The following SYTL5 variants were observed in gnomAD, a reference collection of about 807,000 sequenced individuals.
The protein encoded by SYTL5 is synaptotagmin like 5.
Under a neutral mutation model 55.9 loss-of-function variants are expected in SYTL5, and 34 were observed. The observed-to-expected ratio is 0.61, with a 90% confidence interval of 0.46 to 0.81. SYTL5 has a LOEUF of 0.81. SYTL5 is among the 30% of genes least tolerant of loss of function. The pLI, the probability that SYTL5 is intolerant of heterozygous loss-of-function variation, is 0.00. For missense variants in SYTL5, 637 were observed against 546.7 expected (o/e 1.17, Z -1.65); for synonymous variants, 221 against 188.7 (o/e 1.17, Z -1.40).
At chrX:38,115,042 A>AT (rs1241536544) in intron 13 of SYTL5, among the ~76,000 whole-genome samples, 2 of 112,161 alleles carry the variant, frequency 1.8e-5, no homozygotes, top group Non-Finnish European at 3.8e-5. Context: ...ACAAGATTTT[A>AT]TTTTTTAAGG....
At chrX:37,984,931 C>T in the SYTL5 span, among the ~76,000 whole-genome samples, 1 of 111,794 alleles carries the variant, frequency 8.9e-6, no homozygotes, top group African/African-American at 3.2e-5. Context: ...AAAACCATTT[C>T]AAGATAAAAA....
chrX:37,940,003 T>C, the SYTL5 span, among the ~76,000 whole-genome samples: 2 of 110,580 alleles, frequency 1.8e-5, no homozygotes, highest in African/African-American at 6.6e-5. Context: ...AGCTAATTTT[T>C]TTTTGTATTT....
the SYTL5 span, among the ~76,000 whole-genome samples, chrX:37,920,748 G>A: frequency 9.0e-6 from 1 of 111,102 alleles, no homozygotes; most frequent in African/African-American, 3.3e-5. Flanking sequence ...AGGATAGACC[G>A]ATTTGCAATT....
chrX:37,959,138 T>C, the SYTL5 span, among the ~76,000 whole-genome samples: 1 of 111,879 alleles, frequency 8.9e-6, no homozygotes, highest in Non-Finnish European at 1.9e-5. Context: ...CACTAGGCAT[T>C]GCCCTAGTGG....
the SYTL5 span, among the ~76,000 whole-genome samples, chrX:37,986,206 A>AT: frequency 4.5e-3 from 474 of 104,928 alleles, 4 homozygotes; most frequent in African/African-American, 0.015. Context: ...AAAGGACACT[A>AT]TTTTTTTTTT....
At chrX:37,938,644 C>A in the SYTL5 span, among the ~76,000 whole-genome samples, 4 of 111,316 alleles carry the variant, frequency 3.6e-5, no homozygotes, top group African/African-American at 1.3e-4. Context: ...TCACCCCTCA[C>A]TCCTTTCCTC....
intron 12 of SYTL5, 126 bp from the exon 13 acceptor site, chrX:38,110,195 T>G: frequency 2.4e-6 from 1 of 415,533 alleles, no homozygotes; most frequent in Non-Finnish European, 3.9e-6. Flanking sequence ...AGAGTTTTCT[T>G]TGTGTTTGTT....
intron 2 of SYTL5, among the ~76,000 whole-genome samples, chrX:38,052,809 T>C (rs184579321): frequency 9.6e-4 from 107 of 111,654 alleles, no homozygotes; most frequent in African/African-American, 3.2e-3. Context: ...AATTTTTTTT[T>C]CCTAGAACAT....
the SYTL5 span, among the ~76,000 whole-genome samples, chrX:37,945,198 A>G: frequency 0.066 from 7,424 of 111,959 alleles, 642 homozygotes; most frequent in African/African-American, 0.23. Context: ...TTCATGGAGC[A>G]AGTTTGTTGA....
chrX:38,098,466 A>G (rs1035940240), intron 9 of SYTL5, among the ~76,000 whole-genome samples: 2 of 111,058 alleles, frequency 1.8e-5, no homozygotes, highest in Admixed American at 9.6e-5. Flanking sequence ...ATTAGTTATC[A>G]GAGAAATGAA....
intron 3 of SYTL5, among the ~76,000 whole-genome samples, chrX:38,065,041 G>T (rs1157300917): frequency 1.8e-5 from 2 of 110,645 alleles, no homozygotes; most frequent in African/African-American, 6.6e-5. Context: ...CCTTTCTACT[G>T]GTATTCGTAT....
chrX:37,969,896 T>C, the SYTL5 span, among the ~76,000 whole-genome samples: 1 of 112,202 alleles, frequency 8.9e-6, no homozygotes, highest in Non-Finnish European at 1.9e-5. Context: ...GGCCTCCCAG[T>C]GTGCTGGGAT....
the SYTL5 span, among the ~76,000 whole-genome samples, chrX:37,922,715 A>T: frequency 1.9e-3 from 209 of 111,623 alleles, no homozygotes; most frequent in Non-Finnish European, 2.9e-3. Context: ...TCCCTTTAAT[A>T]TAAACTAGGA....
chrX:38,092,009 A>G (rs73632455), intron 7 of SYTL5, among the ~76,000 whole-genome samples: 11,740 of 111,864 alleles, frequency 0.1, 1,062 homozygotes, highest in African/African-American at 0.28. Flanking sequence ...AGAAACAAAG[A>G]GAAGTACTTT....
the SYTL5 span, among the ~76,000 whole-genome samples, chrX:38,000,319 T>G: frequency 2.7e-5 from 3 of 112,244 alleles, no homozygotes; most frequent in Non-Finnish European, 3.8e-5. Context: ...GGTGATATGA[T>G]GAGCCCAAGC....
the SYTL5 span, among the ~76,000 whole-genome samples, chrX:37,907,478 G>T: frequency 2.7e-5 from 3 of 111,995 alleles, no homozygotes; most frequent in Non-Finnish European, 5.6e-5. Flanking sequence ...TGTCGTCCCC[G>T]GGGAGCCGTT....
intron 15 of SYTL5, among the ~76,000 whole-genome samples, chrX:38,123,799 C>T (rs940569354): frequency 9.0e-6 from 1 of 111,712 alleles, no homozygotes; most frequent in African/African-American, 3.3e-5. Flanking sequence ...AATAACTTTC[C>T]GGTAAATTCT....
the SYTL5 span, among the ~76,000 whole-genome samples, chrX:37,971,522 C>CAACAACAACAAT: frequency 1.8e-5 from 2 of 110,184 alleles, no homozygotes; most frequent in Admixed American, 9.7e-5. Flanking sequence ...TGCAAAACAA[C>CAACAACAACAAT]AACAACAACA....
intron 2 of SYTL5, among the ~76,000 whole-genome samples, chrX:38,048,711 G>A (rs1264055723): frequency 9.1e-6 from 1 of 110,265 alleles, no homozygotes; most frequent in East Asian, 2.9e-4. Context: ...CATGAGAATG[G>A]CACAGGAAAG....
Sources: allele counts gnomAD v4.1 joint callset (sites outside exome capture counted in the v4.1 genomes callset), GRCh38; gene constraint gnomAD v4.1.1; transcripts MANE v1.5; gene names NCBI Gene and HGNC (gene_info 2026-07-23, HGNC 2026-07-21).